Variants in VPS26A observed in about 807,000 individuals in gnomAD.
The protein encoded by VPS26A is vacuolar protein sorting-associated protein 26A.
In VPS26A, 22 loss-of-function variants were observed where a neutral mutation model predicts 42.4. The ratio of observed to expected loss-of-function variants is 0.52; its 90% CI spans 0.37 to 0.74. VPS26A has a LOEUF of 0.74. Ranked by LOEUF, VPS26A falls within the 30% of genes least tolerant of loss-of-function variation. The probability of loss-of-function intolerance (pLI) is 0.00; values close to 1 mark genes in which losing one functional copy is unlikely to be tolerated. For missense variants in VPS26A, 276 were observed against 379.2 expected (o/e 0.73, Z 2.26); for synonymous variants, 110 against 123.5 (o/e 0.89, Z 0.73).
chr10:69,153,342 G>A (rs1841362711), intron 2 of VPS26A, among the ~76,000 whole-genome samples: 1 of 151,266 alleles, frequency 6.6e-6, no homozygotes, highest in Admixed American at 6.6e-5. Flanking sequence ...GAGCCACTGT[G>A]CCCTGCCTTT....
At chr10:69,157,221 G>C in intron 4 of VPS26A, 58 bp downstream of exon 4, 1 of 1,506,268 alleles carries the variant, frequency 6.6e-7, no homozygotes, top group Non-Finnish European at 8.9e-7. Flanking sequence ...AATGACTACT[G>C]TTGATATCTT....
At position 69,173,803 on chromosome 10, in the gene VPS26A, C is replaced by T. The variant is rs1485032604; in HGVS notation, c.*2534C>T. Among the ~76,000 whole-genome samples the T allele has an allele frequency of 6.6e-6, 1 of 152,184 alleles. No individual in the cohort carries two copies. Among genetic ancestry groups the T allele is most frequent in the Non-Finnish European group, 1.5e-5 (1 of 68,038 alleles). On this transcript the variant is annotated 3_prime_UTR_variant, in exon 9 of 9. Coordinates refer to ENST00000263559, the MANE Select transcript of VPS26A (RefSeq NM_004896.5). ...TCACCTGAGTTCCAGGAGTTCGAGA[C>T]CAGCCTGACCAACGTGGAGAAACTC...
chr10:69,156,715 A>G (rs1411247360), intron 3 of VPS26A, among the ~76,000 whole-genome samples: 1 of 152,190 alleles, frequency 6.6e-6, no homozygotes, highest in Non-Finnish European at 1.5e-5. Flanking sequence ...GGAAGTTCAA[A>G]TAATTGCTGG....
chr10:69,129,711 G>A (rs1387047130), intron 1 of VPS26A, among the ~76,000 whole-genome samples: 1 of 152,044 alleles, frequency 6.6e-6, no homozygotes, highest in Non-Finnish European at 1.5e-5. Flanking sequence ...GTTTAGTAGA[G>A]ACGGGGTTTC....
chr10:69,160,599 G>C (rs1351177794), intron 5 of VPS26A, among the ~76,000 whole-genome samples: 1 of 151,828 alleles, frequency 6.6e-6, no homozygotes, highest in Non-Finnish European at 1.5e-5. Context: ...TGACAGGCAT[G>C]TGCCACCACG....
intron 1 of VPS26A, among the ~76,000 whole-genome samples, chr10:69,125,416 A>G (rs536526997): frequency 3.4e-4 from 52 of 152,310 alleles, no homozygotes; most frequent in African/African-American, 1.2e-3. Context: ...GTAGCTTACA[A>G]TGTAGGGAGA....
At chr10:69,158,390 T>C (rs1413633557) in intron 5 of VPS26A, among the ~76,000 whole-genome samples, 179 bp downstream of exon 5, 2 of 152,140 alleles carry the variant, frequency 1.3e-5, no homozygotes, top group African/African-American at 4.8e-5. Flanking sequence ...AGTAAAGGTG[T>C]CTTTTATGTT....
intron 2 of VPS26A, among the ~76,000 whole-genome samples, chr10:69,134,228 T>C (rs1840854377): frequency 6.6e-6 from 1 of 152,210 alleles, no homozygotes; most frequent in Non-Finnish European, 1.5e-5. Context: ...ATGTGCTTCC[T>C]CTAATCTCCG....
intron 1 of VPS26A, among the ~76,000 whole-genome samples, chr10:69,132,431 G>GTTTTTTTTTTTTTTTTTTTTTT (rs3086557): frequency 7.1e-6 from 1 of 141,288 alleles, no homozygotes. Flanking sequence ...TTTTGATGTA[G>GTTTTTTTTTTTTTTTTTTTTTT]TTTTTTTTTT....
intron 2 of VPS26A, among the ~76,000 whole-genome samples, chr10:69,153,812 G>A (rs1216530645): frequency 6.6e-6 from 1 of 152,038 alleles, no homozygotes; most frequent in African/African-American, 2.4e-5. Context: ...CTGATTCTCT[G>A]CTTTCTCTTT....
chr10:69,163,498 T>A (rs1841609038), intron 6 of VPS26A, among the ~76,000 whole-genome samples: 1 of 152,226 alleles, frequency 6.6e-6, no homozygotes, highest in Non-Finnish European at 1.5e-5. Flanking sequence ...GCAGTGAATG[T>A]AGGAGAGTGC....
Position 69,155,824 on chromosome 10 carries a change from T to G in VPS26A, c.166T>G (p.Phe56Val), listed in dbSNP as rs769643163. The G allele has an allele frequency of 1.9e-6, 3 of 1,612,170 alleles. No individual in the cohort carries two copies. In the South Asian group the frequency reaches 3.3e-5, roughly 18 times the overall value. ...CATGTTTTGGCAGGTAAACCTAGCC[T>G]TTAAGCAACCTGGAAAGAGGCTAGA... The part of the protein sequence containing the change: ...ESVSGKVNLA[F>V]KQPGKRLEHQ... Residue 56 changes from phenylalanine to valine, a missense_variant, in exon 3 of 9, where the codon TTT (phenylalanine) becomes GTT (valine). Transcript: ENST00000263559.
At chr10:69,148,230 A>C (rs2132213384) in intron 2 of VPS26A, among the ~76,000 whole-genome samples, 1 of 152,332 alleles carries the variant, frequency 6.6e-6, no homozygotes, top group East Asian at 1.9e-4. Context: ...ACTGTTCTCT[A>C]CTTTCATTTG....
chr10:69,162,896 C>T (rs1841591357), intron 6 of VPS26A, among the ~76,000 whole-genome samples: 1 of 152,004 alleles, frequency 6.6e-6, no homozygotes, highest in South Asian at 2.1e-4. Flanking sequence ...TGTGAATAGC[C>T]ACTGCACTTC....
At chr10:69,143,726 A>T (rs1415843086) in intron 2 of VPS26A, among the ~76,000 whole-genome samples, 1 of 152,042 alleles carries the variant, frequency 6.6e-6, no homozygotes, top group African/African-American at 2.4e-5. Context: ...AATTAAATTT[A>T]ATTTTTTTGA....
chr10:69,134,910 TG>T (rs1212787872), intron 2 of VPS26A, among the ~76,000 whole-genome samples: 1 of 151,410 alleles, frequency 6.6e-6, no homozygotes, highest in Non-Finnish European at 1.5e-5. Flanking sequence ...TTGGGCAACA[TG>T]GGGAGACCCT....
intron 7 of VPS26A, among the ~76,000 whole-genome samples, chr10:69,168,226 T>TAA (rs1443865869): frequency 3.2e-4 from 48 of 152,322 alleles, no homozygotes; most frequent in African/African-American, 1.1e-3. Flanking sequence ...TTTTGGCTGT[T>TAA]ACATTTGGAG....
intron 1 of VPS26A, among the ~76,000 whole-genome samples, chr10:69,127,428 C>T (rs1220985825): frequency 6.6e-6 from 1 of 151,610 alleles, no homozygotes; most frequent in African/African-American, 2.4e-5. Context: ...TGGCGGGCAC[C>T]TGTAGTCCCA....
intron 2 of VPS26A, among the ~76,000 whole-genome samples, chr10:69,154,821 T>C (rs891021269): frequency 4.6e-5 from 7 of 152,214 alleles, no homozygotes; most frequent in Non-Finnish European, 4.4e-5. Context: ...GCAATAATCA[T>C]GCACTGTACT....
Sources: gnomAD v4.1 joint callset for allele counts (sites outside exome capture counted in the v4.1 genomes callset) on GRCh38, gnomAD v4.1.1 for gene constraint, MANE v1.5 for transcripts, NCBI Gene and HGNC (gene_info 2026-07-23, HGNC 2026-07-21) for gene names.